The following RCHY1 variants were observed in gnomAD, a reference collection of about 807,000 sequenced individuals.
RCHY1 encodes ring finger and CHY zinc finger domain containing 1.
In RCHY1, 21 loss-of-function variants were observed where a neutral mutation model predicts 41.6. The ratio of observed to expected loss-of-function variants is 0.51; its 90% CI spans 0.36 to 0.73. The LOEUF (loss-of-function observed/expected upper bound fraction) is 0.73, where lower values mean the gene tolerates loss of function less well. Ranked by LOEUF, RCHY1 falls within the 30% of genes least tolerant of loss-of-function variation. The pLI, the probability that RCHY1 is intolerant of heterozygous loss-of-function variation, is 0.00. For missense variants in RCHY1, 265 were observed against 325.3 expected (o/e 0.81, Z 1.43); for synonymous variants, 79 against 102.9 (o/e 0.77, Z 1.41).
Position 75,511,064 on chromosome 4 carries a change from A to G in RCHY1, c.91-1768T>C, listed in dbSNP as rs371652476. ...ATGAAATCTGAAATCGTATCAAGGA[A>G]TATGATTGATATGATGCCTCTTTTC... On this transcript the variant is annotated intron_variant, in intron 1 of 8. Coordinates refer to ENST00000324439, the MANE Select transcript of RCHY1 (RefSeq NM_015436.4). 4.6e-5 allele frequency among the ~76,000 whole-genome samples: 7 copies of G among 152,326 alleles called. No homozygotes were observed. The East Asian group carries it at 1.3e-3, about 29-fold the overall frequency.
intron 3 of RCHY1, among the ~76,000 whole-genome samples, chr4:75,499,247 G>A (rs879431273): frequency 6.6e-6 from 1 of 152,098 alleles, no homozygotes; most frequent in African/African-American, 2.4e-5. Context: ...CAGTTAGAAT[G>A]GCTTATATCA....
intron 7 of RCHY1, chr4:75,491,101 G>A (rs1204579896): frequency 1.3e-5 from 2 of 158,314 alleles, no homozygotes; most frequent in Admixed American, 1.3e-4. Context: ...AAAAAAGAAT[G>A]CTCTCTCTAG....
At chr4:75,495,904 TAC>T (rs141649385) in intron 3 of RCHY1, among the ~76,000 whole-genome samples, 3,691 of 152,224 alleles carry the variant, frequency 0.024, 160 homozygotes, top group African/African-American at 0.084. Flanking sequence ...TCTGTGTATA[TAC>T]ACACACACAT....
intron 3 of RCHY1, among the ~76,000 whole-genome samples, chr4:75,501,288 C>A (rs1295028740): frequency 1.3e-5 from 2 of 152,158 alleles, no homozygotes; most frequent in Non-Finnish European, 2.9e-5. Context: ...GGATTAGAGG[C>A]GTGAGCCACT....
intron 3 of RCHY1, among the ~76,000 whole-genome samples, chr4:75,507,697 A>C (rs1042677419): frequency 2.0e-5 from 3 of 152,136 alleles, no homozygotes; most frequent in African/African-American, 4.8e-5. Flanking sequence ...GATACAGTAG[A>C]GCCTAGGGCA....
intron 3 of RCHY1, among the ~76,000 whole-genome samples, chr4:75,497,444 T>G (rs1723316922): frequency 6.6e-6 from 1 of 152,150 alleles, no homozygotes; most frequent in South Asian, 2.1e-4. Context: ...TCCAGCTGTT[T>G]CCATACCTTA....
At chr4:75,510,146 G>T (rs1724727312) in intron 1 of RCHY1, among the ~76,000 whole-genome samples, 1 of 152,092 alleles carries the variant, frequency 6.6e-6, no homozygotes, top group Admixed American at 6.6e-5. Flanking sequence ...ACTGCCAGTT[G>T]TCCACCAAAA....
chr4:75,503,998 T>C (rs1215388243), intron 3 of RCHY1, among the ~76,000 whole-genome samples: 1 of 152,230 alleles, frequency 6.6e-6, no homozygotes, highest in African/African-American at 2.4e-5. Flanking sequence ...AGAAAGGTCG[T>C]CTTTTCTTCA....
intron 3 of RCHY1, among the ~76,000 whole-genome samples, chr4:75,504,768 T>C (rs906003696): frequency 2.6e-5 from 4 of 152,338 alleles, no homozygotes; most frequent in African/African-American, 9.6e-5. Flanking sequence ...GGGTTTGCAG[T>C]GTTCAAATTC....
chr4:75,484,628 CTT>C (rs1470499129), intron 8 of RCHY1, among the ~76,000 whole-genome samples: 11 of 152,090 alleles, frequency 7.2e-5, no homozygotes, highest in Non-Finnish European at 1.6e-4. Context: ...AAATGGGATC[CTT>C]AATTTCTGAA....
chr4:75,504,329 C>T lies in RCHY1; in HGVS notation c.326+4491G>A, dbSNP rs1239180089. Among the ~76,000 whole-genome samples the T allele has an allele frequency of 5.9e-5, 9 of 152,238 alleles. No individual in the cohort carries two copies. The South Asian group carries it at 1.2e-3, about 21-fold the overall frequency. On this transcript the variant is annotated intron_variant, in intron 3 of 8. Coordinates refer to ENST00000324439, the MANE Select transcript of RCHY1 (RefSeq NM_015436.4). ...CTACTTATAAGCAGATTTTCTTCTA[C>T]CTCTGCCACCCCTGAGATAGCAAAG...
In RCHY1 at chr4:75,491,384, C is replaced by T. The variant is rs1029132661; in HGVS notation, c.536+227G>A. Reference sequence around the variant, plus strand: ...CCAGAAAAAAAAGAGGTAACTACCTCAAATTGTGGGAGGAGACAAGATTTA... The same window carrying T: ...CCAGAAAAAAAAGAGGTAACTACCTTAAATTGTGGGAGGAGACAAGATTTA... On this transcript the variant is annotated intron_variant, in intron 7 of 8. Transcript: ENST00000324439. 3.3e-5 allele frequency: 13 copies of T among 395,558 alleles called. 1 individual carries two copies. The highest frequency in any genetic ancestry group is 1.6e-4 in the East Asian group (4 of 25,384). The allele number at this position is 395,558 out of a possible 1,614,324, so 24.5% of individuals were successfully genotyped here.
Position 75,481,607 on chromosome 4 carries a change from C to T in RCHY1, c.*931G>A, listed in dbSNP as rs1721526920. ...TTCTATTCATTTACAATAAGACATC[C>T]ACTCCTTGCATAAAGAAAAATGAGT... On this transcript the variant is annotated 3_prime_UTR_variant, in exon 9 of 9. Transcript: ENST00000324439. 1.3e-5 allele frequency: 2 copies of T among 152,142 alleles called. No homozygotes were observed. Among genetic ancestry groups the T allele is most frequent in the Admixed American group, 6.5e-5 (1 of 15,268 alleles). 9.4% of individuals were successfully genotyped at this position (152,142 alleles called of 1,614,324 possible).
At chr4:75,512,151 G>A (rs1724946710) in intron 1 of RCHY1, among the ~76,000 whole-genome samples, 1 of 152,146 alleles carries the variant, frequency 6.6e-6, no homozygotes, top group Non-Finnish European at 1.5e-5. Flanking sequence ...CGTCCTTGCT[G>A]GTTCATATGA....
rs756131337 is a variant in RCHY1, at chr4:75,482,683, T to G, written c.658-17A>C. The G allele has an allele frequency of 2.5e-6, 4 of 1,572,952 alleles. No homozygotes were observed. The South Asian group carries it at 4.6e-5, about 18-fold the overall frequency. On this transcript the variant is annotated splice_polypyrimidine_tract_variant and intron_variant, in intron 8 of 8. Transcript: ENST00000324439. ...GCAGAGAATCTGAAAAGAGATTAAT[T>G]CAAATTAAGTATTTTAAACCTTATA...
chr4:75,490,885 T>C (rs1027030325), intron 7 of RCHY1, 184 bp from the exon 8 acceptor site: 1 of 459,936 alleles, frequency 2.2e-6, no homozygotes, highest in Non-Finnish European at 3.8e-6. Flanking sequence ...AATTCCTGTA[T>C]ACTTATTTAA....
chr4:75,507,304 C>T (rs918448568), intron 3 of RCHY1, among the ~76,000 whole-genome samples: 7 of 151,750 alleles, frequency 4.6e-5, no homozygotes, highest in Non-Finnish European at 7.4e-5. Flanking sequence ...TTCTAGTAAG[C>T]CAATGATGTA....
intron 1 of RCHY1, among the ~76,000 whole-genome samples, chr4:75,513,423 C>G (rs1372074230): frequency 6.6e-6 from 1 of 152,104 alleles, no homozygotes. Context: ...ATGAAACAGG[C>G]GCGATCATCT....
chr4:75,485,065 T>C (rs1005724887), intron 8 of RCHY1, among the ~76,000 whole-genome samples: 1 of 152,238 alleles, frequency 6.6e-6, no homozygotes, highest in Non-Finnish European at 1.5e-5. Context: ...TTAGTTACTA[T>C]ACTGCCCTGA....
Sources: gnomAD v4.1 joint callset for allele counts (sites outside exome capture counted in the v4.1 genomes callset) on GRCh38, gnomAD v4.1.1 for gene constraint, MANE v1.5 for transcripts, NCBI Gene and HGNC (gene_info 2026-07-23, HGNC 2026-07-21) for gene names.